ZNF385D: variants seen among roughly 807,000 people sequenced by gnomAD.
ZNF385D encodes zinc finger protein 385D.
A neutral mutation model predicts 35.8 loss-of-function variants in ZNF385D; 15 were observed. The ratio of observed to expected loss-of-function variants is 0.42; its 90% CI spans 0.28 to 0.64. ZNF385D has a LOEUF of 0.64. ZNF385D is among the 30% of genes least tolerant of loss of function. The pLI is 0.23. For missense variants in ZNF385D, 474 were observed against 494.6 expected (o/e 0.96, Z 0.39); for synonymous variants, 212 against 186.8 (o/e 1.13, Z -1.10).
At chr3:22,012,799 C>T (rs749717694) in intron 3 of ZNF385D, among the ~76,000 whole-genome samples, 1 of 152,040 alleles carries the variant, frequency 6.6e-6, no homozygotes, top group African/African-American at 2.4e-5. Context: ...TTCTTAGGAA[C>T]TGGTAATCAG....
intron 1 of ZNF385D, among the ~76,000 whole-genome samples, chr3:21,746,627 G>T (rs556242594): frequency 1.3e-5 from 2 of 152,306 alleles, no homozygotes; most frequent in East Asian, 3.9e-4. Flanking sequence ...TTTAGACATA[G>T]AAGTTTCTTC....
chr3:21,961,324 TC>T (rs1422750627), intron 3 of ZNF385D: 1 of 152,146 alleles, frequency 6.6e-6, no homozygotes, highest in Non-Finnish European at 1.5e-5. Context: ...TTCTTTCCTG[TC>T]ATCAATTTGG....
chr3:21,857,280 C>T (rs1696774287), intron 3 of ZNF385D, among the ~76,000 whole-genome samples: 1 of 152,038 alleles, frequency 6.6e-6, no homozygotes. Context: ...TGTGTGTCAA[C>T]ATGATTGGAT....
At chr3:22,067,500 T>G (rs760988375) in intron 3 of ZNF385D, among the ~76,000 whole-genome samples, 24 of 152,230 alleles carry the variant, frequency 1.6e-4, no homozygotes, top group Non-Finnish European at 2.6e-4. Context: ...CAGAAAAGGC[T>G]TAGAAATCAT....
intron 3 of ZNF385D, among the ~76,000 whole-genome samples, chr3:21,887,622 T>C (rs1039468959): frequency 3.3e-5 from 5 of 152,068 alleles, no homozygotes; most frequent in Non-Finnish European, 2.9e-5. Context: ...AATCGTGTGA[T>C]AGAACAAAAA....
chr3:21,836,940 C>A (rs865977456), intron 3 of ZNF385D, among the ~76,000 whole-genome samples: 1 of 151,964 alleles, frequency 6.6e-6, no homozygotes, highest in South Asian at 2.1e-4. Flanking sequence ...TTGAGCTGAT[C>A]CTGTCACCTC....
At chr3:22,107,732 T>C (rs1702301606) in intron 3 of ZNF385D, among the ~76,000 whole-genome samples, 1 of 152,134 alleles carries the variant, frequency 6.6e-6, no homozygotes, top group Admixed American at 6.6e-5. Flanking sequence ...ATGCGCTGTA[T>C]GATGTCAACT....
At chr3:21,687,189 A>G (rs1348629773) in intron 1 of ZNF385D, among the ~76,000 whole-genome samples, 2 of 152,182 alleles carry the variant, frequency 1.3e-5, no homozygotes, top group Non-Finnish European at 2.9e-5. Context: ...CTCCAGAAAC[A>G]TGCGTGGGGT....
chr3:22,057,719 G>T (rs1699479721), intron 3 of ZNF385D, among the ~76,000 whole-genome samples: 1 of 151,902 alleles, frequency 6.6e-6, no homozygotes, highest in Non-Finnish European at 1.5e-5. Context: ...TCACCATGTT[G>T]GTCAGGCTGG....
intron 3 of ZNF385D, among the ~76,000 whole-genome samples, chr3:21,940,082 C>A (rs1207937041): frequency 6.6e-6 from 1 of 152,040 alleles, no homozygotes; most frequent in Non-Finnish European, 1.5e-5. Flanking sequence ...TATTTCTTCC[C>A]TGGGTCTTTT....
chr3:22,069,487 T>C (rs1332695607), intron 3 of ZNF385D, among the ~76,000 whole-genome samples: 1 of 152,060 alleles, frequency 6.6e-6, no homozygotes, highest in Non-Finnish European at 1.5e-5. Flanking sequence ...AATATAAAGG[T>C]AACATAAACA....
intron 2 of ZNF385D, among the ~76,000 whole-genome samples, chr3:22,258,133 T>C (rs1326683238): frequency 1.3e-5 from 2 of 151,804 alleles, no homozygotes; most frequent in Non-Finnish European, 2.9e-5. Flanking sequence ...CCTTACTCTT[T>C]ATAAATAGAA....
At chr3:21,891,254 G>C (rs2244460) in intron 3 of ZNF385D, among the ~76,000 whole-genome samples, 1 of 151,854 alleles carries the variant, frequency 6.6e-6, no homozygotes, top group Non-Finnish European at 1.5e-5. Flanking sequence ...GACTCTCATC[G>C]TCAGTATTAT....
intron 2 of ZNF385D, among the ~76,000 whole-genome samples, chr3:22,292,633 G>A (rs1575054634): frequency 6.6e-6 from 1 of 152,090 alleles, no homozygotes; most frequent in African/African-American, 2.4e-5. Flanking sequence ...AAGATCTACA[G>A]ACTTCAATAG....
chr3:21,996,076 G>A (rs1024814007), intron 3 of ZNF385D, among the ~76,000 whole-genome samples: 1 of 152,104 alleles, frequency 6.6e-6, no homozygotes, highest in South Asian at 2.1e-4. Context: ...GTGCCCCAGG[G>A]TAGGATATAA....
At chr3:22,070,106 A>C (rs1224931175) in intron 3 of ZNF385D, among the ~76,000 whole-genome samples, 1 of 152,140 alleles carries the variant, frequency 6.6e-6, no homozygotes, top group Non-Finnish European at 1.5e-5. Context: ...TTAATTTCCT[A>C]TTTTAATAAT....
At chr3:21,537,816 TG>T (rs2062072875) in intron 3 of ZNF385D, among the ~76,000 whole-genome samples, 1 of 152,048 alleles carries the variant, frequency 6.6e-6, no homozygotes, top group South Asian at 2.1e-4. Flanking sequence ...TTAATCTAAG[TG>T]AAATGCAGCA....
At chr3:21,939,173 T>A (rs1413431303) in intron 3 of ZNF385D, among the ~76,000 whole-genome samples, 2 of 152,216 alleles carry the variant, frequency 1.3e-5, no homozygotes, top group Non-Finnish European at 2.9e-5. Flanking sequence ...TCCCTATATT[T>A]GCCCACTGAA....
rs575670732 is a variant in ZNF385D at position 21,725,616 on chromosome 3, G to A, written c.22+25279C>T. ...GATAAATTCCTGGGCATATACACCCGTCCAAATCTAAACCAGGAAAAGTCG... is the reference window on the plus strand; with the variant it reads ...GATAAATTCCTGGGCATATACACCCATCCAAATCTAAACCAGGAAAAGTCG... On this transcript the variant is annotated intron_variant, in intron 1 of 7. Transcript: ENST00000281523. Among the ~76,000 whole-genome samples, 21 of 152,056 alleles carry A rather than the reference G, an allele frequency of 1.4e-4. 1 individual carries two copies. The highest frequency in any genetic ancestry group is 7.8e-4 in the East Asian group (4 of 5,154).
Sources: allele counts gnomAD v4.1 joint callset (sites outside exome capture counted in the v4.1 genomes callset), GRCh38; gene constraint gnomAD v4.1.1; transcripts MANE v1.5; gene names NCBI Gene and HGNC (gene_info 2026-07-23, HGNC 2026-07-21).